BCL7C: variants seen among roughly 807,000 people sequenced by gnomAD.
BCL7C encodes the protein B-cell CLL/lymphoma 7 protein family member C.
A neutral mutation model predicts 26.2 loss-of-function variants in BCL7C; 8 were observed. That is an observed-to-expected ratio of 0.30 (90% CI 0.18 to 0.55). The LOEUF (loss-of-function observed/expected upper bound fraction) is 0.55, where lower values mean the gene tolerates loss of function less well. BCL7C is among the 20% of genes least tolerant of loss of function. The probability of loss-of-function intolerance (pLI) is 0.93; values close to 1 mark genes in which losing one functional copy is unlikely to be tolerated. For missense variants in BCL7C, 262 were observed against 298.5 expected, an observed-to-expected ratio of 0.88 and a Z score of 0.90; for synonymous variants, 90 against 116.5, an observed-to-expected ratio of 0.77 and a Z score of 1.47.
chr16:30,834,795 T>C lies in BCL7C; in HGVS notation c.*153A>G. On this transcript the variant is annotated 3_prime_UTR_variant, in exon 6 of 6. Coordinates refer to the BCL7C transcript ENST00000380317. The surrounding 1 kb of genome is among the most constrained non-coding windows in gnomAD (Gnocchi z 4.3). Reference sequence around the variant, plus strand: ...GGCGAGCCAGATGGGTGCTGTGGCCTTAGGTTCGGGCAGGTGTGGGGCCGC... The same window carrying C: ...GGCGAGCCAGATGGGTGCTGTGGCCCTAGGTTCGGGCAGGTGTGGGGCCGC... The C allele has an allele frequency of 1.4e-6, 1 of 712,100 alleles. No individual in the cohort carries two copies. The highest frequency in any genetic ancestry group is 2.2e-6 in the Non-Finnish European group (1 of 451,492). 44.1% of individuals were successfully genotyped at this position (712,100 alleles called of 1,614,324 possible). A position where few individuals can be genotyped will look rare whatever the true frequency, so the allele number is the denominator to read the frequency against.
intron 5 of BCL7C, among the ~76,000 whole-genome samples, chr16:30,846,140 C>G (rs1171613907): frequency 6.6e-6 from 1 of 150,656 alleles, no homozygotes; most frequent in South Asian, 2.1e-4. Context: ...ATCCTTCAGC[C>G]TCAGCCTCCT....
chr16:30,856,955 T>C (rs534086678), intron 5 of BCL7C, among the ~76,000 whole-genome samples: 11 of 152,354 alleles, frequency 7.2e-5, no homozygotes, highest in African/African-American at 2.4e-4. Context: ...TGTCAGCCTC[T>C]TATATCTCCA....
At chr16:30,865,720 T>C (rs2054819281) in intron 5 of BCL7C, among the ~76,000 whole-genome samples, 1 of 114,528 alleles carries the variant, frequency 8.7e-6, no homozygotes, top group African/African-American at 3.3e-5. Context: ...CATATGGCTT[T>C]TTTTTTCTTT....
intron 5 of BCL7C, among the ~76,000 whole-genome samples, chr16:30,857,482 C>G (rs1210634640): frequency 6.6e-6 from 1 of 151,784 alleles, no homozygotes; most frequent in Non-Finnish European, 1.5e-5. Context: ...GGAAACAGAG[C>G]TTTTGTTGAG....
chr16:30,861,798 C>T (rs1418368334), intron 5 of BCL7C, among the ~76,000 whole-genome samples: 2 of 151,566 alleles, frequency 1.3e-5, no homozygotes, highest in African/African-American at 2.4e-5. Flanking sequence ...TGGGTATTCA[C>T]GACCAGGCTT....
intron 5 of BCL7C, among the ~76,000 whole-genome samples, chr16:30,878,148 C>G (rs1182900838): frequency 6.6e-6 from 1 of 151,436 alleles, no homozygotes; most frequent in Non-Finnish European, 1.5e-5. Flanking sequence ...GCACTGCAGC[C>G]TGGGCGATAG....
chr16:30,860,420 C>T (rs1387790275), intron 5 of BCL7C, among the ~76,000 whole-genome samples: 1 of 152,206 alleles, frequency 6.6e-6, no homozygotes, highest in Non-Finnish European at 1.5e-5. Context: ...TCTCTTTAAA[C>T]TTACCTCCTT....
At chr16:30,868,381 C>T (rs1014730881) in intron 5 of BCL7C, among the ~76,000 whole-genome samples, 4 of 150,404 alleles carry the variant, frequency 2.7e-5, no homozygotes, top group African/African-American at 9.8e-5. Flanking sequence ...TCCTGATCCG[C>T]CCACCTCGGC....
At chr16:30,846,236 A>ATTTATTTATTTT (rs1567308524) in intron 5 of BCL7C, among the ~76,000 whole-genome samples, 4 of 144,084 alleles carry the variant, frequency 2.8e-5, no homozygotes, top group East Asian at 4.1e-4. Flanking sequence ...TTATTTATTT[A>ATTTATTTATTTT]TTTTTTGGAG....
chr16:30,865,125 G>A (rs1345676690), intron 5 of BCL7C, among the ~76,000 whole-genome samples: 2 of 141,178 alleles, frequency 1.4e-5, no homozygotes, highest in South Asian at 2.2e-4. Flanking sequence ...CCGAGATCAC[G>A]TCACTGCACT....
At chr16:30,849,250 C>T (rs2151362791) in intron 5 of BCL7C, among the ~76,000 whole-genome samples, 2 of 151,552 alleles carry the variant, frequency 1.3e-5, no homozygotes, top group African/African-American at 4.8e-5. Context: ...TGTTGAATTG[C>T]TTATTTCTCC....
intron 5 of BCL7C, among the ~76,000 whole-genome samples, chr16:30,839,532 C>G (rs998934647): frequency 6.6e-6 from 1 of 152,194 alleles, no homozygotes; most frequent in African/African-American, 2.4e-5. Context: ...TAAAAGCAAG[C>G]TCTTCTCTGG....
chr16:30,882,450 C>A (rs2143101836), intron 5 of BCL7C, among the ~76,000 whole-genome samples: 1 of 152,214 alleles, frequency 6.6e-6, no homozygotes, highest in East Asian at 1.9e-4. Context: ...GAGGAGGGGT[C>A]AGGGGCTGAG....
chr16:30,867,717 C>T (rs558046327), intron 5 of BCL7C, among the ~76,000 whole-genome samples: 2 of 152,150 alleles, frequency 1.3e-5, no homozygotes, highest in East Asian at 1.9e-4. Flanking sequence ...CGCTTGAACC[C>T]GGGAGGCGGA....
At chr16:30,876,177 A>G (rs2054947101) in intron 5 of BCL7C, 1 of 152,292 alleles carries the variant, frequency 6.6e-6, no homozygotes, top group Non-Finnish European at 1.5e-5. Context: ...GTCACCAGCC[A>G]GGTGCATCCC....
intron 5 of BCL7C, among the ~76,000 whole-genome samples, chr16:30,850,345 C>T (rs1040334313): frequency 1.3e-5 from 2 of 152,106 alleles, no homozygotes; most frequent in Non-Finnish European, 2.9e-5. Context: ...CTTGTTATAT[C>T]CTTTTACTTA....
At chr16:30,881,663 A>G (rs1393965686) in intron 5 of BCL7C, among the ~76,000 whole-genome samples, 2 of 151,796 alleles carry the variant, frequency 1.3e-5, no homozygotes, top group African/African-American at 4.8e-5. Context: ...GCTGACCTGA[A>G]CTCACTCCCC....
chr16:30,887,115 C>A (rs1403641265), downstream of BCL7C, among the ~76,000 whole-genome samples: 1 of 152,136 alleles, frequency 6.6e-6, no homozygotes, highest in Non-Finnish European at 1.5e-5. Context: ...TTGAGACCAG[C>A]CTGGCCAACA....
At chr16:30,881,295 C>G (rs981062875) in intron 5 of BCL7C, among the ~76,000 whole-genome samples, 3 of 151,856 alleles carry the variant, frequency 2.0e-5, no homozygotes, top group Non-Finnish European at 2.9e-5. Context: ...ATTTGGGAGG[C>G]TGAGGCAGGA....
Sources: allele counts gnomAD v4.1 joint callset (sites outside exome capture counted in the v4.1 genomes callset), GRCh38; gene constraint gnomAD v4.1.1; non-coding constraint Gnocchi (gnomAD v3.1); transcripts MANE v1.5; gene names NCBI Gene and HGNC (gene_info 2026-07-23, HGNC 2026-07-21).